The following TSNARE1 variants were observed in gnomAD, a reference collection of about 807,000 sequenced individuals.
The protein encoded by TSNARE1 is t-SNARE domain containing 1, also known as t-SNARE domain-containing protein 1.
A neutral mutation model predicts 62.0 loss-of-function variants in TSNARE1; 49 were observed. The observed-to-expected ratio is 0.79, with a 90% CI of 0.63 to 1.00. TSNARE1 has a LOEUF of 1.00. Ranked by LOEUF, TSNARE1 falls within the 50% of genes least tolerant of loss-of-function variation. The pLI is 0.00. For synonymous variants in TSNARE1, 328 were observed against 294.4 expected (o/e 1.11, Z -1.17); for missense variants, 755 against 700.1 (o/e 1.08, Z -0.88).
chr8:142,355,894 A>T (rs1157463360), intron 1 of TSNARE1, among the ~76,000 whole-genome samples: 2 of 152,158 alleles, frequency 1.3e-5, no homozygotes, highest in African/African-American at 4.8e-5. Context: ...TGCCCAGAGC[A>T]GGGCAGCACC....
intron 12 of TSNARE1, among the ~76,000 whole-genome samples, chr8:142,240,915 G>A (rs556986592): frequency 1.6e-4 from 24 of 152,274 alleles, no homozygotes; most frequent in East Asian, 9.6e-4. Context: ...TGGGCCAAGC[G>A]TCCAACTTTA....
At chr8:142,344,822 C>A (rs1833139048) in intron 3 of TSNARE1, among the ~76,000 whole-genome samples, 1 of 152,230 alleles carries the variant, frequency 6.6e-6, no homozygotes, top group Non-Finnish European at 1.5e-5. Context: ...TTCCTGCCCT[C>A]AGGCCAGGGC....
intron 11 of TSNARE1, among the ~76,000 whole-genome samples, chr8:142,281,320 C>T (rs2130794715): frequency 6.6e-6 from 1 of 152,226 alleles, no homozygotes. Context: ...GGAGCCAGGG[C>T]TCCTGGCAGC....
intron 13 of TSNARE1, among the ~76,000 whole-genome samples, chr8:142,223,172 AAGTATTCACTCATTCACTCG>A (rs1563756907): frequency 2.9e-5 from 1 of 34,442 alleles, no homozygotes; most frequent in Non-Finnish European, 5.3e-5. Flanking sequence ...TCACTCACTC[AAGTATTCACTCATTCACTCG>A]TTCACTCACT....
intron 11 of TSNARE1, among the ~76,000 whole-genome samples, chr8:142,281,508 G>A (rs1821445951): frequency 6.6e-6 from 1 of 152,106 alleles, no homozygotes; most frequent in South Asian, 2.1e-4. Context: ...GCAGGCCAGG[G>A]CTGCTGTGTG....
intron 9 of TSNARE1, among the ~76,000 whole-genome samples, chr8:142,301,658 CATT>C (rs1314328956): frequency 1.3e-5 from 2 of 152,186 alleles, no homozygotes; most frequent in African/African-American, 4.8e-5. Flanking sequence ...GACCATGTGA[CATT>C]GTGTGTGTGT....
intron 7 of TSNARE1, among the ~76,000 whole-genome samples, 172 bp from the exon 8 acceptor site, chr8:142,315,264 TC>T (rs1211108979): frequency 6.6e-6 from 1 of 151,786 alleles, no homozygotes; most frequent in Non-Finnish European, 1.5e-5. Flanking sequence ...ACACCCAGGG[TC>T]CCCAGGGACA....
chr8:142,325,415 G>A (rs548817564), intron 6 of TSNARE1, among the ~76,000 whole-genome samples: 1 of 152,224 alleles, frequency 6.6e-6, no homozygotes, highest in African/African-American at 2.4e-5. Context: ...CCACCGTCGG[G>A]GGCAAGACTA....
At chr8:142,264,704 T>C (rs989820070) in intron 12 of TSNARE1, among the ~76,000 whole-genome samples, 6 of 152,246 alleles carry the variant, frequency 3.9e-5, no homozygotes, top group Non-Finnish European at 7.3e-5. Flanking sequence ...TTGTCTAAAA[T>C]TAACATTGCT....
intron 12 of TSNARE1, among the ~76,000 whole-genome samples, chr8:142,254,863 C>T (rs541171763): frequency 2.0e-5 from 3 of 152,264 alleles, no homozygotes; most frequent in South Asian, 2.1e-4. Flanking sequence ...GTGCTGCACC[C>T]GGGGCTCTGG....
At chr8:142,401,434 G>A (rs992764588) in intron 1 of TSNARE1, among the ~76,000 whole-genome samples, 2 of 152,148 alleles carry the variant, frequency 1.3e-5, no homozygotes, top group African/African-American at 4.8e-5. Context: ...TGCACTGTCA[G>A]GGACATAAAG....
At chr8:142,403,868 C>G (rs1185630182), upstream of TSNARE1, 1 of 152,376 alleles carries the variant, frequency 6.6e-6, no homozygotes, top group Non-Finnish European at 1.5e-5. Context: ...GCTCTGCCTG[C>G]GGGCACTGAG....
intron 6 of TSNARE1, among the ~76,000 whole-genome samples, chr8:142,327,192 G>A (rs1830393936): frequency 6.6e-6 from 1 of 152,232 alleles, no homozygotes; most frequent in Non-Finnish European, 1.5e-5. Context: ...ATTCATCATG[G>A]TCAAAATGAA....
intron 1 of TSNARE1, among the ~76,000 whole-genome samples, chr8:142,380,551 C>T (rs895805102): frequency 2.0e-5 from 3 of 151,746 alleles, no homozygotes; most frequent in African/African-American, 7.3e-5. Context: ...GGCCACCCCA[C>T]TTCTCACAGC....
At chr8:142,355,408 A>G (rs763747077) in intron 1 of TSNARE1, among the ~76,000 whole-genome samples, 5 of 152,206 alleles carry the variant, frequency 3.3e-5, no homozygotes, top group Non-Finnish European at 7.3e-5. Flanking sequence ...AATCAGACAC[A>G]CATTATGGTT....
chr8:142,254,255 G>A (rs899101695), intron 12 of TSNARE1, among the ~76,000 whole-genome samples: 2 of 152,206 alleles, frequency 1.3e-5, no homozygotes, highest in African/African-American at 4.8e-5. Context: ...GGAGTCAGAG[G>A]CTGCAACTGG....
rs182637429 is a variant in TSNARE1 at position 142,317,727 on chromosome 8, G to A, written c.984+817C>T. 3.9e-5 allele frequency among the ~76,000 whole-genome samples: 6 copies of A among 152,292 alleles called. No individual in the cohort carries two copies. The East Asian group carries it at 1.2e-3, about 29-fold the overall frequency. The stretch of plus-strand genomic sequence containing the variant: ...AATCCCAGCACTTTGGGAGGCAGAG[G>A]TGGGAGGATCACTTGAGGCCGGGAG... On this transcript the variant is annotated intron_variant, in intron 7 of 13. Coordinates refer to ENST00000524325, the MANE Select transcript of TSNARE1 (RefSeq NM_145003.5).
chr8:142,277,896 G>C, intron 11 of TSNARE1: 1 of 985,352 alleles, frequency 1.0e-6, no homozygotes, highest in Non-Finnish European at 1.2e-6. Context: ...TGCCACCCCT[G>C]CCAGGCCCCT....
intron 6 of TSNARE1, among the ~76,000 whole-genome samples, chr8:142,322,484 C>A (rs969481390): frequency 6.6e-6 from 1 of 152,216 alleles, no homozygotes; most frequent in Non-Finnish European, 1.5e-5. Context: ...TGTCTTCAGT[C>A]ATAGAGACAT....
Sources: allele counts gnomAD v4.1 joint callset (sites outside exome capture counted in the v4.1 genomes callset), GRCh38; gene constraint gnomAD v4.1.1; transcripts MANE v1.5; gene names NCBI Gene and HGNC (gene_info 2026-07-23, HGNC 2026-07-21).